Variants in CES5A observed in about 807,000 individuals in gnomAD.
CES5A encodes carboxylesterase 5.
In CES5A, 67 loss-of-function variants were observed where a neutral mutation model predicts 62.9. The ratio of observed to expected loss-of-function variants is 1.07; its 90% CI spans 0.88 to 1.31. The LOEUF (loss-of-function observed/expected upper bound fraction) is 1.31. Among genes scored for constraint, CES5A ranks in the 50% most tolerant of loss-of-function variants. CES5A has a pLI of 0.00. For synonymous variants in CES5A, 296 were observed against 280.8 expected, an observed-to-expected ratio of 1.05 and a Z score of -0.54; for missense variants, 748 against 708.5, an observed-to-expected ratio of 1.06 and a Z score of -0.63.
Position 55,859,563 on chromosome 16 carries a change from C to T in CES5A, c.1040G>A (p.Gly347Asp). The change falls in exon 8 of 13, where the codon GGC (glycine) becomes GAC (aspartate). Residue 347 changes from glycine to aspartate, a missense_variant. Gly to Asp is a moderately conservative substitution (Grantham distance 94). Transcript: ENST00000290567. Reference protein sequence around the residue: ...SIIGVNNHECGFLLPMKEAPE... With the variant: ...SIIGVNNHECDFLLPMKEAPE... Reference sequence around the variant, plus strand: ...AATTCTTACCATAGGCAGCAGGAAGCCACACTCGTGGTTATTGACTCCGAT... The same window carrying T: ...AATTCTTACCATAGGCAGCAGGAAGTCACACTCGTGGTTATTGACTCCGAT... 2 of 1,612,840 alleles carry T rather than the reference C, an allele frequency of 1.2e-6. No individual in the cohort carries two copies. The highest frequency in any genetic ancestry group is 1.7e-6 in the Non-Finnish European group (2 of 1,179,748).
At chr16:55,927,799 T>C (rs1214649794), upstream of CES5A, among the ~76,000 whole-genome samples, 4 of 152,204 alleles carry the variant, frequency 2.6e-5, no homozygotes, top group Admixed American at 2.6e-4. Context: ...GAGGTTACTA[T>C]ATTTTAAAAA....
intron 6 of CES5A, among the ~76,000 whole-genome samples, chr16:55,863,137 C>T (rs1331775844): frequency 6.6e-6 from 1 of 152,166 alleles, no homozygotes; most frequent in Non-Finnish European, 1.5e-5. Context: ...TACACACACA[C>T]TTGTGCACAC....
intron 2 of CES5A, among the ~76,000 whole-genome samples, chr16:55,935,189 C>A (rs965681698): frequency 6.6e-6 from 1 of 152,184 alleles, no homozygotes; most frequent in Non-Finnish European, 1.5e-5. Flanking sequence ...GTGATCCACC[C>A]GCCTTGGCCT....
chr16:55,861,300 A>G (rs775252757), intron 7 of CES5A, 112 bp downstream of exon 7: 6 of 661,520 alleles, frequency 9.1e-6, no homozygotes, highest in African/African-American at 5.5e-5. Flanking sequence ...AAGTACCTCA[A>G]TCCTCCTCTT....
chr16:55,861,641 C>T (rs2033353934), intron 6 of CES5A, 125 bp from the exon 7 acceptor site: 3 of 702,394 alleles, frequency 4.3e-6, no homozygotes, highest in Non-Finnish European at 7.7e-6. Flanking sequence ...CCTGCTAACA[C>T]TGCCTAGACC....
chr16:55,890,224 A>T (rs957026241), intron 1 of CES5A, among the ~76,000 whole-genome samples: 1 of 141,416 alleles, frequency 7.1e-6, no homozygotes, highest in Non-Finnish European at 1.6e-5. Flanking sequence ...TTCCAAGACA[A>T]CTTGAAAAAA....
At chr16:55,878,673 C>T (rs1597131687), upstream of CES5A, among the ~76,000 whole-genome samples, 3 of 144,894 alleles carry the variant, frequency 2.1e-5, no homozygotes, top group Admixed American at 7.0e-5. Context: ...ATCTCTGCAT[C>T]CCACCACTGC....
chr16:55,853,003 AG>A lies in CES5A; in HGVS notation c.1150del (p.Val385TrpfsTer12). 6.2e-7 allele frequency: 1 copy of A among 1,614,174 alleles called. No individual in the cohort carries two copies. The highest frequency in any genetic ancestry group is 8.5e-7 in the Non-Finnish European group (1 of 1,180,032). Reference protein sequence around the residue: ...ILHIPPQYLHLVANEYFHDKH... With the variant: ...ILHIPPQYLHXVANEYFHDKH... ...GTCATGGAAGTATTCATTAGCCACA[AG>A]GTGCAAATACTGAGGCGGGATGTGC... On this transcript the variant is annotated frameshift_variant, in exon 10 of 13. Coordinates refer to ENST00000290567, the MANE Select transcript of CES5A (RefSeq NM_001143685.2). LOFTEE classifies it high-confidence loss of function.
chr16:55,861,123 A>AT (rs2033342476), intron 7 of CES5A, among the ~76,000 whole-genome samples: 1 of 152,228 alleles, frequency 6.6e-6, no homozygotes, highest in South Asian at 2.1e-4. Context: ...GGAAGCATGC[A>AT]TAACAAGTGT....
intron 7 of CES5A, 91 bp from the exon 8 acceptor site, chr16:55,859,778 A>C (rs2033316085): frequency 7.9e-7 from 1 of 1,269,354 alleles, no homozygotes; most frequent in South Asian, 1.4e-5. Context: ...AAGAAAAGCC[A>C]ACCCAGTCTA....
chr16:55,870,729 G>A lies in CES5A; in HGVS notation c.417+896C>T, dbSNP rs573883494. On this transcript the variant is annotated intron_variant, in intron 3 of 12. Coordinates refer to ENST00000290567, the MANE Select transcript of CES5A (RefSeq NM_001143685.2). ...AAGAGGGAAGAGTAAAATTTTTATT[G>A]ATTAGAAAAATTGGGATCAGGGAAC... Among the ~76,000 whole-genome samples, 3 of 152,268 alleles carry A rather than the reference G, an allele frequency of 2.0e-5. No individual in the cohort carries two copies. In the South Asian group the frequency reaches 6.2e-4, roughly 32 times the overall value.
intron 9 of CES5A, 21 bp from the exon 10 acceptor site, chr16:55,853,049 T>A (rs2033164844): frequency 6.2e-7 from 1 of 1,612,960 alleles, no homozygotes; most frequent in Non-Finnish European, 8.5e-7. Flanking sequence ...ATCGTAGTCC[T>A]AGGAGATCCA....
chr16:55,908,390 G>A (rs770816462), intron 1 of CES5A, among the ~76,000 whole-genome samples: 24 of 151,860 alleles, frequency 1.6e-4, no homozygotes, highest in Non-Finnish European at 2.5e-4. Flanking sequence ...ATGGAGTTTC[G>A]CTCTTGTTGC....
At chr16:55,938,117 A>G (rs2034397113) in intron 2 of CES5A, among the ~76,000 whole-genome samples, 1 of 152,178 alleles carries the variant, frequency 6.6e-6, no homozygotes. Context: ...TGTAGATTCC[A>G]TGGATCGAGG....
intron 1 of CES5A, among the ~76,000 whole-genome samples, chr16:55,896,436 G>A (rs956672127): frequency 5.3e-5 from 8 of 152,206 alleles, no homozygotes; most frequent in Non-Finnish European, 1.0e-4. Flanking sequence ...TTCTCCATGA[G>A]TGGAAGCAGC....
intron 1 of CES5A, among the ~76,000 whole-genome samples, chr16:55,902,542 A>C (rs188114905): frequency 6.6e-6 from 1 of 152,128 alleles, no homozygotes; most frequent in Non-Finnish European, 1.5e-5. Flanking sequence ...ACCACTTTGG[A>C]TTCTTCTCCA....
intron 1 of CES5A, among the ~76,000 whole-genome samples, chr16:55,886,743 T>A (rs1597135287): frequency 6.6e-6 from 1 of 152,124 alleles, no homozygotes; most frequent in Non-Finnish European, 1.5e-5. Context: ...CTTACCAGAA[T>A]TGACACCTAC....
At chr16:55,941,392 T>A (rs1296567214) in intron 2 of CES5A, among the ~76,000 whole-genome samples, 2 of 151,872 alleles carry the variant, frequency 1.3e-5, no homozygotes, top group Non-Finnish European at 2.9e-5. Flanking sequence ...ACAATACCCC[T>A]CCAAAAAGTG....
chr16:55,942,233 A>G (rs750375969), intron 2 of CES5A, among the ~76,000 whole-genome samples: 5 of 152,238 alleles, frequency 3.3e-5, no homozygotes, highest in Non-Finnish European at 4.4e-5. Flanking sequence ...TTGAACTTAA[A>G]TTTTAAAATC....
Sources: allele counts gnomAD v4.1 joint callset (sites outside exome capture counted in the v4.1 genomes callset), GRCh38; gene constraint gnomAD v4.1.1; transcripts MANE v1.5; gene names NCBI Gene and HGNC (gene_info 2026-07-23, HGNC 2026-07-21).